Variants in C12orf42 observed in about 807,000 individuals in gnomAD.
C12orf42 encodes chromosome 12 open reading frame 42.
In C12orf42, 25 loss-of-function variants were observed where a neutral mutation model predicts 21.6. The observed-to-expected ratio is 1.16, with a 90% CI of 0.84 to 1.62. The LOEUF is 1.62. C12orf42 is among the 40% of genes most tolerant of loss of function. The pLI is 0.00. For missense variants in C12orf42, 483 were observed against 459.3 expected, an observed-to-expected ratio of 1.05 and a Z score of -0.47; for synonymous variants, 174 against 175.0, an observed-to-expected ratio of 0.99 and a Z score of 0.05.
rs1395250912 is a variant in C12orf42 at position 103,294,553 on chromosome 12, G to GAA, written n.338-17345_338-17344dup. Among the ~76,000 whole-genome samples, 469 of 107,594 alleles carry GAA rather than the reference G, an allele frequency of 4.4e-3. 2 individuals carry two copies. Among genetic ancestry groups the GAA allele is most frequent in the African/African-American group, 0.016 (454 of 28,752 alleles). 70.6% of individuals were successfully genotyped at this position (107,594 alleles called of 152,430 possible). A position where few individuals can be genotyped will look rare whatever the true frequency, so the allele number is the denominator to read the frequency against. Reference sequence around the variant, plus strand: ...AAGAAGCAAGCAAGCAAGAAAGAAAGAAAGAAAGAAAAAGAAAGGAAGGAA... The same window carrying GAA: ...AAGAAGCAAGCAAGCAAGAAAGAAAGAAAAAGAAAGAAAAAGAAAGGAAGGAA... On this transcript the variant is annotated intron_variant and non_coding_transcript_variant, in intron 4 of 6. Transcript: ENST00000546526.
At chr12:103,225,416 C>T in the C12orf42 span, among the ~76,000 whole-genome samples, 13 of 151,878 alleles carry the variant, frequency 8.6e-5, no homozygotes, top group South Asian at 2.1e-4. Context: ...TGTTGCGGGA[C>T]GGGATATTGG....
intron 3 of C12orf42, among the ~76,000 whole-genome samples, chr12:103,372,791 T>C (rs915927407): frequency 2.0e-5 from 3 of 152,160 alleles, no homozygotes; most frequent in African/African-American, 7.2e-5. Context: ...CTTCTTCATA[T>C]TGGTCAGCCC....
the C12orf42 span, among the ~76,000 whole-genome samples, chr12:103,198,241 A>G: frequency 2.0e-5 from 3 of 152,194 alleles, no homozygotes; most frequent in Non-Finnish European, 2.9e-5. Context: ...GTGGACAAGC[A>G]TGCACTAGCT....
At chr12:103,340,937 C>A (rs2042105820) in intron 4 of C12orf42, among the ~76,000 whole-genome samples, 2 of 151,880 alleles carry the variant, frequency 1.3e-5, no homozygotes, top group South Asian at 4.2e-4. Context: ...CATGGTGAAA[C>A]CCAGTCTCTA....
At chr12:103,498,798 A>T (rs1937149169), upstream of C12orf42, among the ~76,000 whole-genome samples, 1 of 149,638 alleles carries the variant, frequency 6.7e-6, no homozygotes, top group African/African-American at 2.5e-5. Flanking sequence ...GCATGTTCTC[A>T]CTTATAAATG....
the C12orf42 span, among the ~76,000 whole-genome samples, chr12:103,114,615 G>A: frequency 0.017 from 2,610 of 152,202 alleles, 38 homozygotes; most frequent in African/African-American, 0.043. Flanking sequence ...TACCTTCTCT[G>A]CCCCTCAGCT....
intron 4 of C12orf42, among the ~76,000 whole-genome samples, chr12:103,278,889 TC>T (rs2035937292): frequency 1.3e-5 from 2 of 152,206 alleles, no homozygotes; most frequent in Admixed American, 1.3e-4. Flanking sequence ...CATTTTCCCC[TC>T]CTGAATGTTC....
chr12:103,070,536 A>AG, the C12orf42 span, among the ~76,000 whole-genome samples: 6 of 151,510 alleles, frequency 4.0e-5, no homozygotes, highest in Non-Finnish European at 8.8e-5. Flanking sequence ...ACACACACAC[A>AG]CACACACCCG....
At chr12:103,361,267 C>T (rs1023143145) in intron 4 of C12orf42, among the ~76,000 whole-genome samples, 3 of 152,074 alleles carry the variant, frequency 2.0e-5, no homozygotes, top group African/African-American at 7.2e-5. Flanking sequence ...CACTGAGGAA[C>T]CTCAAGGTCT....
chr12:103,109,327 G>A, the C12orf42 span, among the ~76,000 whole-genome samples: 12 of 152,094 alleles, frequency 7.9e-5, no homozygotes, highest in Non-Finnish European at 1.8e-4. Flanking sequence ...GTGTGTGTGT[G>A]TGAACCCATT....
the C12orf42 span, among the ~76,000 whole-genome samples, chr12:103,056,956 G>A: frequency 6.6e-6 from 1 of 152,014 alleles, no homozygotes; most frequent in South Asian, 2.1e-4. Flanking sequence ...CTTTTAAATT[G>A]TTTTCAACTA....
At chr12:103,255,200 G>A (rs1468560361) in intron 10 of C12orf42, among the ~76,000 whole-genome samples, 1 of 151,906 alleles carries the variant, frequency 6.6e-6, no homozygotes, top group South Asian at 2.1e-4. Flanking sequence ...GTGAAATCCC[G>A]TCTCTCCTAA....
chr12:103,244,864 T>G (rs2033937079), intron 10 of C12orf42, among the ~76,000 whole-genome samples: 1 of 152,098 alleles, frequency 6.6e-6, no homozygotes, highest in Non-Finnish European at 1.5e-5. Context: ...TCCTGCTAAA[T>G]AACCAAAGAT....
chr12:103,514,406 G>A, the C12orf42 span, among the ~76,000 whole-genome samples: 13 of 152,142 alleles, frequency 8.5e-5, no homozygotes, highest in Admixed American at 8.5e-4. Context: ...AACTCTCTAA[G>A]GGAACCGTCT....
intron 2 of C12orf42, among the ~76,000 whole-genome samples, chr12:103,443,254 G>A (rs561726365): frequency 1.3e-5 from 2 of 152,114 alleles, no homozygotes; most frequent in African/African-American, 4.8e-5. Flanking sequence ...GAACAACAAA[G>A]GCAGAAGAGG....
chr12:103,078,697 A>C, the C12orf42 span, among the ~76,000 whole-genome samples: 1 of 152,224 alleles, frequency 6.6e-6, no homozygotes, highest in East Asian at 1.9e-4. Flanking sequence ...TACAGAAGAA[A>C]ATTTGATTAT....
chr12:103,121,884 T>A, the C12orf42 span, among the ~76,000 whole-genome samples: 1 of 152,234 alleles, frequency 6.6e-6, no homozygotes, highest in Non-Finnish European at 1.5e-5. Context: ...AACATTTTTT[T>A]AGAGATTATT....
At chr12:103,061,766 G>A in the C12orf42 span, among the ~76,000 whole-genome samples, 2 of 151,414 alleles carry the variant, frequency 1.3e-5, no homozygotes, top group South Asian at 4.2e-4. Context: ...TATCAAAGAG[G>A]TATCTCTTAT....
At chr12:103,230,247 G>T in the C12orf42 span, among the ~76,000 whole-genome samples, 1 of 152,118 alleles carries the variant, frequency 6.6e-6, no homozygotes, top group Non-Finnish European at 1.5e-5. Flanking sequence ...GTTCTTATCT[G>T]GTGGCTTGGC....
Sources: allele counts gnomAD v4.1 joint callset (sites outside exome capture counted in the v4.1 genomes callset), GRCh38; gene constraint gnomAD v4.1.1; transcripts MANE v1.5; gene names NCBI Gene and HGNC (gene_info 2026-07-23, HGNC 2026-07-21).